The following SLC44A1 variants were observed in gnomAD, a reference collection of about 807,000 sequenced individuals.
SLC44A1 encodes the protein choline transporter-like protein 1.
A neutral mutation model predicts 79.3 loss-of-function variants in SLC44A1; 26 were observed. The ratio of observed to expected loss-of-function variants is 0.33; its 90% CI spans 0.24 to 0.46. The LOEUF (loss-of-function observed/expected upper bound fraction) is 0.46. Among genes scored for constraint, SLC44A1 ranks in the 20% least tolerant of loss-of-function variants. SLC44A1 has a pLI of 1.00. For synonymous variants in SLC44A1, 263 were observed against 286.2 expected (o/e 0.92, Z 0.82); for missense variants, 688 against 798.1 (o/e 0.86, Z 1.66).
At position 105,438,326 on chromosome 9, in the gene SLC44A1, A is replaced by G. The variant is rs368217712; in HGVS notation, c.*31A>G. ...CTCATGAGCCCTGAAGAATGAACTC[A>G]GAGGAGGTTGTTTACATGAGGTTCT... is the stretch of plus-strand genomic sequence containing the variant. On this transcript the variant is annotated 3_prime_UTR_variant, in exon 16 of 16. Coordinates refer to the SLC44A1 transcript ENST00000374724. 13 of 1,546,090 alleles carry G rather than the reference A, an allele frequency of 8.4e-6. 1 individual carries two copies. In the African/African-American group the frequency reaches 1.1e-4, roughly 13 times the overall value.
chr9:105,324,320 G>A (rs982070463), intron 3 of SLC44A1, among the ~76,000 whole-genome samples: 8 of 151,204 alleles, frequency 5.3e-5, no homozygotes, highest in Admixed American at 2.6e-4. Flanking sequence ...GGGTGATCTC[G>A]GCTCACTGCA....
chr9:105,412,620 G>T (rs1166378306), intron 15 of SLC44A1, among the ~76,000 whole-genome samples: 1 of 149,036 alleles, frequency 6.7e-6, no homozygotes, highest in African/African-American at 2.5e-5. Context: ...TTTTTTTTTT[G>T]AGATGGAGTC....
At chr9:105,375,943 G>A (rs1212292332) in intron 13 of SLC44A1, among the ~76,000 whole-genome samples, 5 of 151,182 alleles carry the variant, frequency 3.3e-5, no homozygotes. Flanking sequence ...AACAATCATA[G>A]CATACGTACC....
At chr9:105,382,750 A>G (rs1828508243) in intron 13 of SLC44A1, among the ~76,000 whole-genome samples, 1 of 152,196 alleles carries the variant, frequency 6.6e-6, no homozygotes, top group African/African-American at 2.4e-5. Flanking sequence ...ACATACCATT[A>G]CACTGAAATA....
chr9:105,256,792 TTTTATTA>T (rs1829718863), intron 1 of SLC44A1, among the ~76,000 whole-genome samples: 1 of 148,348 alleles, frequency 6.7e-6, no homozygotes, highest in Non-Finnish European at 1.5e-5. Context: ...TTTTATTTTA[TTTTATTA>T]TTTTTTGAGA....
chr9:105,277,953 G>A (rs979656940), intron 1 of SLC44A1, among the ~76,000 whole-genome samples: 2 of 152,246 alleles, frequency 1.3e-5, no homozygotes, highest in Non-Finnish European at 2.9e-5. Flanking sequence ...ATAGGTGTTA[G>A]AGGGTATTTT....
chr9:105,376,343 A>T (rs963951978), intron 13 of SLC44A1, among the ~76,000 whole-genome samples: 4 of 131,342 alleles, frequency 3.0e-5, no homozygotes, highest in African/African-American at 1.3e-4. Context: ...ACACACACAC[A>T]CACACACTAC....
chr9:105,278,066 C>CT (rs577705418), intron 1 of SLC44A1, among the ~76,000 whole-genome samples: 171 of 144,064 alleles, frequency 1.2e-3, no homozygotes, highest in Middle Eastern at 3.6e-3. Flanking sequence ...TTGCAGCCTT[C>CT]TTTTTTTTTT....
chr9:105,314,487 G>T (rs1013359536), intron 3 of SLC44A1, among the ~76,000 whole-genome samples: 5 of 152,144 alleles, frequency 3.3e-5, no homozygotes, highest in African/African-American at 1.2e-4. Context: ...ACTCCAAGAA[G>T]TTTTCCCAGT....
intron 3 of SLC44A1, among the ~76,000 whole-genome samples, chr9:105,332,378 C>A (rs973858669): frequency 6.6e-6 from 1 of 152,080 alleles, no homozygotes; most frequent in African/African-American, 2.4e-5. Context: ...CCTTGGCCTC[C>A]CAAAGTGCTG....
At chr9:105,426,900 A>G (rs761707907) in intron 15 of SLC44A1, among the ~76,000 whole-genome samples, 4 of 152,002 alleles carry the variant, frequency 2.6e-5, no homozygotes, top group African/African-American at 4.8e-5. Context: ...GACAAGATAC[A>G]TATTAAATAA....
intron 1 of SLC44A1, among the ~76,000 whole-genome samples, chr9:105,296,191 A>G (rs1158539675): frequency 6.6e-6 from 1 of 152,168 alleles, no homozygotes; most frequent in Admixed American, 6.5e-5. Context: ...AGCCCTGTGA[A>G]GTAAGCCACC....
At chr9:105,365,202 A>C (rs1274994715) in intron 10 of SLC44A1, among the ~76,000 whole-genome samples, 1 of 152,212 alleles carries the variant, frequency 6.6e-6, no homozygotes, top group Admixed American at 6.5e-5. Context: ...TGACCCCATA[A>C]GTATTCACTA....
intron 7 of SLC44A1, among the ~76,000 whole-genome samples, chr9:105,359,809 A>G (rs577032908): frequency 6.6e-6 from 1 of 152,234 alleles, no homozygotes; most frequent in African/African-American, 2.4e-5. Context: ...GTTTTTCACC[A>G]ATTTCTGGTA....
rs575816065 is a variant in SLC44A1, at chr9:105,355,485, G to T, written c.501-727G>T. On this transcript the variant is annotated intron_variant, in intron 5 of 15. Transcript: ENST00000374720. Reference sequence around the variant, plus strand: ...CTAACAAGTCCAGTATTTTTCACTTGTTAATTATTTTCTGTTCTCATGATT... The same window carrying T: ...CTAACAAGTCCAGTATTTTTCACTTTTTAATTATTTTCTGTTCTCATGATT... Among the ~76,000 whole-genome samples the T allele has an allele frequency of 5.5e-4, 83 of 152,272 alleles. 1 individual carries two copies. Among genetic ancestry groups the T allele is most frequent in the African/African-American group, 1.9e-3 (80 of 41,558 alleles).
At chr9:105,310,681 C>T (rs1028329276) in intron 3 of SLC44A1, among the ~76,000 whole-genome samples, 2 of 152,126 alleles carry the variant, frequency 1.3e-5, no homozygotes, top group African/African-American at 4.8e-5. Context: ...TATTATAAAG[C>T]ATTTTCCAGG....
At chr9:105,281,291 T>G (rs1830344104) in intron 1 of SLC44A1, among the ~76,000 whole-genome samples, 1 of 152,240 alleles carries the variant, frequency 6.6e-6, no homozygotes. Flanking sequence ...CTCTGGTGCC[T>G]TCTTTTCTTT....
At chr9:105,248,082 T>C (rs1219832897) in intron 1 of SLC44A1, among the ~76,000 whole-genome samples, 1 of 152,248 alleles carries the variant, frequency 6.6e-6, no homozygotes, top group East Asian at 1.9e-4. Context: ...CAAACTCTAA[T>C]GATAACCTAC....
chr9:105,339,494 G>A (rs904929964), intron 4 of SLC44A1, among the ~76,000 whole-genome samples: 5 of 152,160 alleles, frequency 3.3e-5, no homozygotes, highest in African/African-American at 9.7e-5. Flanking sequence ...GCCAAGAGGT[G>A]GAAGCAACCT....
Sources: allele counts gnomAD v4.1 joint callset (sites outside exome capture counted in the v4.1 genomes callset), GRCh38; gene constraint gnomAD v4.1.1; transcripts MANE v1.5; gene names NCBI Gene and HGNC (gene_info 2026-07-23, HGNC 2026-07-21).